Variants in PARD3 observed in about 807,000 individuals in gnomAD.
PARD3 encodes partitioning defective 3 homolog.
A neutral mutation model predicts 155.4 loss-of-function variants in PARD3; 75 were observed. The observed-to-expected ratio is 0.48, with a 90% confidence interval of 0.40 to 0.58. The LOEUF (loss-of-function observed/expected upper bound fraction) is 0.58. Ranked by LOEUF, PARD3 falls within the 20% of genes least tolerant of loss-of-function variation. The pLI is 0.00. For synonymous variants in PARD3, 576 were observed against 610.5 expected (o/e 0.94, Z 0.83); for missense variants, 1,642 against 1,721.7 (o/e 0.95, Z 0.82).
At chr10:34,730,522 G>T (rs1041171792) in intron 1 of PARD3, among the ~76,000 whole-genome samples, 1 of 152,186 alleles carries the variant, frequency 6.6e-6, no homozygotes, top group African/African-American at 2.4e-5. Flanking sequence ...AGGAGCTCAC[G>T]CCTGTAATCC....
chr10:34,734,033 TAAC>T (rs2094866226), intron 1 of PARD3, among the ~76,000 whole-genome samples: 1 of 151,124 alleles, frequency 6.6e-6, no homozygotes, highest in Admixed American at 6.6e-5. Flanking sequence ...ACCCCAAACA[TAAC>T]AATCACTTAT....
chr10:34,737,111 C>T (rs951846779), intron 1 of PARD3, among the ~76,000 whole-genome samples: 4 of 152,102 alleles, frequency 2.6e-5, no homozygotes, highest in Non-Finnish European at 5.9e-5. Flanking sequence ...AATGAGAAAG[C>T]GGGTGAAGGG....
chr10:34,697,474 G>C lies in PARD3; in HGVS notation c.121-1055C>G, dbSNP rs1014681088. Among the ~76,000 whole-genome samples, 4 of 152,104 alleles carry C rather than the reference G, an allele frequency of 2.6e-5. No homozygotes were observed. The East Asian group carries it at 7.7e-4, about 29-fold the overall frequency. On this transcript the variant is annotated intron_variant, in intron 1 of 24. Coordinates refer to ENST00000374788, the MANE Select transcript of PARD3 (RefSeq NM_001184785.2). ...TCCAGATCTACTGACTAAGACCCTG[G>C]AGCAGGGGTGCGGGGAGAATCCATA...
chr10:34,403,266 T>G lies in PARD3; in HGVS notation c.715-1349A>C, dbSNP rs151007617. On this transcript the variant is annotated intron_variant, in intron 5 of 24. Coordinates refer to ENST00000374788, the MANE Select transcript of PARD3 (RefSeq NM_001184785.2). ...TTACATAAATTTGACAATGGTGATT[T>G]TATTGTGAACTTTTTTCAACATAAT... 1.0e-2 allele frequency among the ~76,000 whole-genome samples: 1,522 copies of G among 152,292 alleles called. 15 individuals carry two copies. Among genetic ancestry groups the G allele is most frequent in the Non-Finnish European group, 0.017 (1,156 of 68,016 alleles).
intron 2 of PARD3, among the ~76,000 whole-genome samples, chr10:34,654,698 G>T (rs2093116269): frequency 6.6e-6 from 1 of 152,146 alleles, no homozygotes; most frequent in Non-Finnish European, 1.5e-5. Flanking sequence ...CCTCTAATGT[G>T]GAGCTTTCAA....
At chr10:34,649,456 G>A (rs1053306836) in intron 2 of PARD3, among the ~76,000 whole-genome samples, 5 of 152,202 alleles carry the variant, frequency 3.3e-5, no homozygotes, top group Non-Finnish European at 1.5e-5. Context: ...CTTGAATACT[G>A]TAGGCAACTG....
chr10:34,187,523 A>C (rs1052154398), intron 22 of PARD3, among the ~76,000 whole-genome samples: 16 of 152,196 alleles, frequency 1.1e-4, no homozygotes, highest in African/African-American at 3.6e-4. Flanking sequence ...TCATCAAGAC[A>C]TTGTCTAAAA....
At chr10:34,536,270 T>G (rs1010081845) in intron 2 of PARD3, among the ~76,000 whole-genome samples, 5 of 152,188 alleles carry the variant, frequency 3.3e-5, no homozygotes, top group African/African-American at 7.2e-5. Context: ...AAAAAGTACT[T>G]AAATCATTTA....
At chr10:34,648,344 G>A (rs1238782890) in intron 2 of PARD3, among the ~76,000 whole-genome samples, 1 of 152,164 alleles carries the variant, frequency 6.6e-6, no homozygotes, top group African/African-American at 2.4e-5. Flanking sequence ...AATGCCAAGA[G>A]CTGCCGTGAA....
chr10:34,561,500 G>A (rs1488533175), intron 2 of PARD3, among the ~76,000 whole-genome samples: 8 of 151,950 alleles, frequency 5.3e-5, no homozygotes, highest in African/African-American at 1.2e-4. Context: ...AAGCTGTAAC[G>A]CACATTTATT....
At chr10:34,366,219 TG>T (rs1188167691) in intron 12 of PARD3, among the ~76,000 whole-genome samples, 1 of 152,348 alleles carries the variant, frequency 6.6e-6, no homozygotes, top group East Asian at 1.9e-4. Context: ...GAAACCATTC[TG>T]TTGTTCACTT....
chr10:34,612,990 C>G (rs903995184), intron 2 of PARD3, among the ~76,000 whole-genome samples: 4 of 152,076 alleles, frequency 2.6e-5, no homozygotes, highest in African/African-American at 9.7e-5. Flanking sequence ...CCACAGTGTA[C>G]AAAACCTAAA....
intron 2 of PARD3, among the ~76,000 whole-genome samples, chr10:34,567,066 A>G (rs2086008779): frequency 6.6e-6 from 1 of 152,234 alleles, no homozygotes; most frequent in African/African-American, 2.4e-5. Flanking sequence ...AGACTGCCAC[A>G]TAGGAAACAA....
intron 15 of PARD3, 25 bp from the exon 16 acceptor site, chr10:34,341,841 G>C (rs1181189681): frequency 7.1e-7 from 1 of 1,416,558 alleles, no homozygotes; most frequent in African/African-American, 1.4e-5. Context: ...AAGAAGAAGA[G>C]AAAATTCTAG....
chr10:34,804,450 T>C (rs1469886731), intron 1 of PARD3, among the ~76,000 whole-genome samples: 1 of 152,248 alleles, frequency 6.6e-6, no homozygotes, highest in Non-Finnish European at 1.5e-5. Flanking sequence ...ACATCCTGTG[T>C]TGTAGTACAT....
intron 3 of PARD3, among the ~76,000 whole-genome samples, chr10:34,490,390 CAGAGAGAG>C (rs57588434): frequency 6.7e-6 from 1 of 149,634 alleles, no homozygotes; most frequent in African/African-American, 2.4e-5. Context: ...GGGCACATTA[CAGAGAGAG>C]AGAGAGAGAG....
chr10:34,644,628 G>A (rs2092780157), intron 2 of PARD3, among the ~76,000 whole-genome samples: 2 of 152,188 alleles, frequency 1.3e-5, no homozygotes, highest in Admixed American at 1.3e-4. Context: ...TACCTTGACA[G>A]TCTCACTCTC....
At chr10:34,444,535 A>C (rs1185918467) in intron 5 of PARD3, among the ~76,000 whole-genome samples, 1 of 152,188 alleles carries the variant, frequency 6.6e-6, no homozygotes, top group African/African-American at 2.4e-5. Context: ...TCAGAGTCAA[A>C]ATTTCAGAAG....
intron 22 of PARD3, among the ~76,000 whole-genome samples, chr10:34,174,923 T>C (rs1243378180): frequency 1.3e-5 from 2 of 152,224 alleles, no homozygotes; most frequent in Admixed American, 6.5e-5. Context: ...ATTTTATTTA[T>C]AATACAATTC....
Sources: allele counts gnomAD v4.1 joint callset (sites outside exome capture counted in the v4.1 genomes callset), GRCh38; gene constraint gnomAD v4.1.1; transcripts MANE v1.5; gene names NCBI Gene and HGNC (gene_info 2026-07-23, HGNC 2026-07-21).